Variants in CPVL observed in about 807,000 individuals in gnomAD.
CPVL encodes the protein carboxypeptidase vitellogenic like, also known as probable serine carboxypeptidase CPVL.
In CPVL, 51 loss-of-function variants were observed where a neutral mutation model predicts 63.7. The ratio of observed to expected loss-of-function variants is 0.80; its 90% confidence interval spans 0.64 to 1.01. The LOEUF is 1.01. Ranked by LOEUF, CPVL falls within the 50% of genes least tolerant of loss-of-function variation. CPVL has a pLI of 0.00. For synonymous variants in CPVL, 195 were observed against 206.0 expected, an observed-to-expected ratio of 0.95 and a Z score of 0.46; for missense variants, 530 against 573.1, an observed-to-expected ratio of 0.92 and a Z score of 0.77.
chr7:29,092,759 C>T (rs1785951871), intron 5 of CPVL, 57 bp from the exon 6 acceptor site: 1 of 1,224,710 alleles, frequency 8.2e-7, no homozygotes, highest in African/African-American at 1.5e-5. Flanking sequence ...CCTTAGGGAC[C>T]TGCAGAGAGG....
chr7:29,186,635 A>T (rs1798754116), intron 1 of CPVL: 1 of 152,106 alleles, frequency 6.6e-6, no homozygotes, highest in Admixed American at 6.6e-5. Context: ...AGGGAGAGGG[A>T]GAGAAGGAAG....
intron 2 of CPVL, among the ~76,000 whole-genome samples, chr7:29,119,653 C>T (rs1789153981): frequency 6.6e-6 from 1 of 152,122 alleles, no homozygotes; most frequent in Non-Finnish European, 1.5e-5. Context: ...TTATAGAGTA[C>T]AAAAGATTTT....
intron 2 of CPVL, among the ~76,000 whole-genome samples, chr7:29,116,617 T>G (rs1425702657): frequency 6.6e-6 from 1 of 152,216 alleles, no homozygotes; most frequent in African/African-American, 2.4e-5. Flanking sequence ...GCATGCCAGA[T>G]TCACAAACAC....
At chr7:29,041,126 A>ATTTTT (rs1191228187) in intron 11 of CPVL, among the ~76,000 whole-genome samples, 15 of 104,912 alleles carry the variant, frequency 1.4e-4, no homozygotes, top group African/African-American at 5.0e-4. Flanking sequence ...CAATAACTGG[A>ATTTTT]TTTTTTTTTT....
chr7:29,157,403 A>G (rs980414476), intron 5 of CPVL, among the ~76,000 whole-genome samples: 1 of 151,932 alleles, frequency 6.6e-6, no homozygotes, highest in East Asian at 1.9e-4. Flanking sequence ...TTATTCCTCT[A>G]TATTTAGAAC....
chr7:29,020,110 G>T (rs2190531), intron 12 of CPVL, among the ~76,000 whole-genome samples: 45,461 of 152,070 alleles, frequency 0.3, 8,956 homozygotes, highest in African/African-American at 0.56. Flanking sequence ...CAGCAATCTG[G>T]CCTCCCAAGC....
At chr7:29,146,926 G>A (rs1366228860), upstream of CPVL, 2 of 1,551,052 alleles carry the variant, frequency 1.3e-6, no homozygotes, top group African/African-American at 1.4e-5. Context: ...GGCAACACAC[G>A]TTCGCTGATG....
At chr7:29,166,036 T>C (rs998952549) in intron 5 of CPVL, among the ~76,000 whole-genome samples, 6 of 152,164 alleles carry the variant, frequency 3.9e-5, no homozygotes, top group African/African-American at 1.4e-4. Flanking sequence ...GGTTTTTGTT[T>C]GTCTGTTTGT....
At chr7:29,077,806 T>C (rs1380504185) in intron 7 of CPVL, among the ~76,000 whole-genome samples, 1 of 152,136 alleles carries the variant, frequency 6.6e-6, no homozygotes, top group Non-Finnish European at 1.5e-5. Context: ...CAGAGAACTT[T>C]ATACACACAC....
At chr7:29,063,966 TAAAAA>T (rs373756974) in intron 11 of CPVL, 90 bp downstream of exon 11, 1 of 691,904 alleles carries the variant, frequency 1.4e-6, no homozygotes, top group Non-Finnish European at 2.3e-6. Context: ...TCATAAAAGT[TAAAAA>T]AAAAAAAAAG....
At chr7:29,157,990 A>G (rs1054997569) in intron 5 of CPVL, among the ~76,000 whole-genome samples, 1 of 152,208 alleles carries the variant, frequency 6.6e-6, no homozygotes, top group Non-Finnish European at 1.5e-5. Flanking sequence ...ATGGTTCCAA[A>G]GAGAAACGGA....
intron 7 of CPVL, among the ~76,000 whole-genome samples, chr7:29,074,805 G>A (rs1226808650): frequency 6.7e-6 from 1 of 150,372 alleles, no homozygotes; most frequent in East Asian, 1.9e-4. Context: ...GATACTTGAG[G>A]AGACACAAAA....
chr7:29,143,230 C>T (rs537334558), intron 1 of CPVL, among the ~76,000 whole-genome samples: 5 of 152,356 alleles, frequency 3.3e-5, no homozygotes, highest in Admixed American at 6.5e-5. Context: ...GCCTATGCTC[C>T]GCCAAATCAA....
chr7:29,060,019 T>G (rs1215691219), intron 11 of CPVL, among the ~76,000 whole-genome samples: 2 of 152,238 alleles, frequency 1.3e-5, no homozygotes, highest in Non-Finnish European at 2.9e-5. Context: ...TGGAGACTTC[T>G]AAGCTTCTTA....
intron 5 of CPVL, among the ~76,000 whole-genome samples, chr7:29,158,058 A>G (rs1794662771): frequency 2.0e-5 from 3 of 152,156 alleles, no homozygotes; most frequent in African/African-American, 7.2e-5. Flanking sequence ...AATCAAATAA[A>G]GGAGAAAAAA....
At chr7:29,029,324 AT>A (rs1787795213) in intron 12 of CPVL, among the ~76,000 whole-genome samples, 1 of 152,250 alleles carries the variant, frequency 6.6e-6, no homozygotes, top group African/African-American at 2.4e-5. Flanking sequence ...AGGAAAAGAA[AT>A]CAGTATATTA....
chr7:29,074,660 T>C (rs1784068592), intron 7 of CPVL, among the ~76,000 whole-genome samples: 1 of 151,772 alleles, frequency 6.6e-6, no homozygotes, highest in Non-Finnish European at 1.5e-5. Context: ...CATGCTATTC[T>C]CATGATAGTG....
intron 1 of CPVL, among the ~76,000 whole-genome samples, chr7:29,132,370 A>C (rs1430132841): frequency 6.6e-6 from 1 of 152,144 alleles, no homozygotes; most frequent in Non-Finnish European, 1.5e-5. Context: ...AGCTCTGGAT[A>C]TCTCTATCAG....
intron 1 of CPVL, chr7:29,193,692 G>A (rs1208127745): frequency 2.0e-5 from 3 of 152,184 alleles, no homozygotes; most frequent in Non-Finnish European, 1.5e-5. Flanking sequence ...GACACACCTT[G>A]TGCTCGAGTC....
Sources: gnomAD v4.1 joint callset for allele counts (sites outside exome capture counted in the v4.1 genomes callset) on GRCh38, gnomAD v4.1.1 for gene constraint, MANE v1.5 for transcripts, NCBI Gene and HGNC (gene_info 2026-07-23, HGNC 2026-07-21) for gene names.